The following SDK1 variants were observed in gnomAD, a reference collection of about 807,000 sequenced individuals.
SDK1 encodes protein sidekick-1.
Under a neutral mutation model 245.5 loss-of-function variants are expected in SDK1, and 157 were observed. That is an observed-to-expected ratio of 0.64 (90% CI 0.56 to 0.73). SDK1 has a LOEUF of 0.73. Among genes scored for constraint, SDK1 ranks in the 30% least tolerant of loss-of-function variants. SDK1 has a pLI of 0.00. For missense variants in SDK1, 3,583 were observed against 3,002.3 expected, an observed-to-expected ratio of 1.19 and a Z score of -4.52; for synonymous variants, 1,647 against 1,278.5, an observed-to-expected ratio of 1.29 and a Z score of -6.15.
At chr7:3,579,438 C>G (rs1195104818) in intron 1 of SDK1, among the ~76,000 whole-genome samples, 1 of 152,178 alleles carries the variant, frequency 6.6e-6, no homozygotes, top group Non-Finnish European at 1.5e-5. Flanking sequence ...ATGATTATCT[C>G]AATAGGTGCA....
chr7:3,763,524 C>T (rs1277018926), intron 4 of SDK1, among the ~76,000 whole-genome samples: 1 of 152,180 alleles, frequency 6.6e-6, no homozygotes, highest in East Asian at 1.9e-4. Flanking sequence ...AAGCTGCAGG[C>T]ATCAGTACAC....
chr7:3,830,611 C>G (rs1779890136), intron 5 of SDK1, among the ~76,000 whole-genome samples: 1 of 152,040 alleles, frequency 6.6e-6, no homozygotes, highest in Non-Finnish European at 1.5e-5. Context: ...TCCTCCCACC[C>G]CAGCCTCCTG....
At chr7:4,162,372 A>C (rs12701449) in intron 32 of SDK1, among the ~76,000 whole-genome samples, 1 of 61,930 alleles carries the variant, frequency 1.6e-5, no homozygotes, top group Admixed American at 1.6e-4. Context: ...TGTTGTTGTT[A>C]TTATTATTAT....
At chr7:4,213,248 C>G (rs1167899121) in intron 38 of SDK1, among the ~76,000 whole-genome samples, 3 of 152,082 alleles carry the variant, frequency 2.0e-5, no homozygotes, top group Admixed American at 6.5e-5. Context: ...CCCATCTCTA[C>G]TAAAAATACA....
At chr7:3,506,429 GTTA>G (rs1468468007) in intron 1 of SDK1, among the ~76,000 whole-genome samples, 7 of 151,846 alleles carry the variant, frequency 4.6e-5, no homozygotes, top group African/African-American at 1.5e-4. Flanking sequence ...AATTTTCTTT[GTTA>G]TTATTCTCTT....
At chr7:3,585,936 G>C (rs1198259363) in intron 1 of SDK1, among the ~76,000 whole-genome samples, 1 of 152,220 alleles carries the variant, frequency 6.6e-6, no homozygotes, top group Non-Finnish European at 1.5e-5. Flanking sequence ...TGTTGCTAAA[G>C]GAGACACAGT....
chr7:3,851,085 A>G (rs945342653), intron 5 of SDK1, among the ~76,000 whole-genome samples: 1 of 152,226 alleles, frequency 6.6e-6, no homozygotes, highest in Non-Finnish European at 1.5e-5. Context: ...GCAACTAAAT[A>G]AACCCCGTGC....
chr7:3,483,907 T>G (rs1229023915), intron 1 of SDK1, among the ~76,000 whole-genome samples: 1 of 152,218 alleles, frequency 6.6e-6, no homozygotes, highest in Non-Finnish European at 1.5e-5. Flanking sequence ...TGTCTAACAT[T>G]TTAAAATTTA....
chr7:3,853,912 T>G (rs1227834026), intron 5 of SDK1, among the ~76,000 whole-genome samples: 2 of 151,960 alleles, frequency 1.3e-5, no homozygotes, highest in African/African-American at 4.8e-5. Flanking sequence ...TTGCTTGAAC[T>G]CGAGAGGCAA....
intron 20 of SDK1, among the ~76,000 whole-genome samples, chr7:4,069,821 C>T (rs1562762202): frequency 6.6e-6 from 1 of 152,232 alleles, no homozygotes; most frequent in Admixed American, 6.5e-5. Flanking sequence ...TTCTCAGCAA[C>T]CACACAAGGG....
At chr7:3,579,527 A>G (rs77473857) in intron 1 of SDK1, among the ~76,000 whole-genome samples, 1 of 152,092 alleles carries the variant, frequency 6.6e-6, no homozygotes, top group Non-Finnish European at 1.5e-5. Flanking sequence ...AAAACCTCAA[A>G]ATAATAAGAG....
rs1188744541 is a variant in SDK1 at position 3,915,957 on chromosome 7, C to G, written c.848-34966C>G. Among the ~76,000 whole-genome samples, 4 of 152,150 alleles carry G rather than the reference C, an allele frequency of 2.6e-5. No homozygotes were observed. The South Asian group carries it at 8.3e-4, about 32-fold the overall frequency. ...AGATGTTAATCTCTGAAAAGTCTAT[C>G]CTTTTACTTCCCTAAACCAAAAAGT... On this transcript the variant is annotated intron_variant, in intron 5 of 44. Transcript: ENST00000404826.
intron 4 of SDK1, among the ~76,000 whole-genome samples, chr7:3,759,838 C>T (rs981375807): frequency 1.3e-5 from 2 of 152,230 alleles, no homozygotes; most frequent in African/African-American, 4.8e-5. Flanking sequence ...GGTGATCCAC[C>T]CACCTGGGCC....
At chr7:3,741,060 G>GT (rs1283017879) in intron 4 of SDK1, among the ~76,000 whole-genome samples, 20 of 152,280 alleles carry the variant, frequency 1.3e-4, no homozygotes, top group African/African-American at 4.3e-4. Context: ...ATGGAATGTG[G>GT]TGTCTGTGGA....
chr7:3,552,773 T>G (rs1228922731), intron 1 of SDK1, among the ~76,000 whole-genome samples: 4 of 152,222 alleles, frequency 2.6e-5, no homozygotes, highest in South Asian at 2.1e-4. Flanking sequence ...AATCATTACC[T>G]TCTCAGAACA....
rs1046313601 is a variant in SDK1 at position 3,865,262 on chromosome 7, C to T, written c.847+43679C>T. On this transcript the variant is annotated intron_variant, in intron 5 of 44. Coordinates refer to ENST00000404826, the MANE Select transcript of SDK1 (RefSeq NM_152744.4). The stretch of plus-strand genomic sequence containing the variant: ...AGGGAGTGTGGGAGGCCTGGTGATC[C>T]TCCTGAAGAAGTGAGAATGGGTTGG... 2.6e-5 allele frequency among the ~76,000 whole-genome samples: 4 copies of T among 152,118 alleles called. No homozygotes were observed. The South Asian group carries it at 8.3e-4, about 32-fold the overall frequency.
chr7:4,154,547 G>A (rs676044), intron 30 of SDK1, among the ~76,000 whole-genome samples: 2 of 151,948 alleles, frequency 1.3e-5, no homozygotes, highest in Non-Finnish European at 2.9e-5. Flanking sequence ...GCTCCGGGGT[G>A]GGGGAGCCAG....
intron 22 of SDK1, 108 bp from the exon 23 acceptor site, chr7:4,110,555 C>A: frequency 2.6e-6 from 2 of 766,760 alleles, no homozygotes; most frequent in East Asian, 2.6e-5. Context: ...GTGGGGACGC[C>A]TTGCAGCCCT....
At chr7:3,901,890 CGTTACTCATTTAGGT>C (rs1781802947) in intron 5 of SDK1, among the ~76,000 whole-genome samples, 1 of 152,116 alleles carries the variant, frequency 6.6e-6, no homozygotes, top group African/African-American at 2.4e-5. Context: ...TATAATATCC[CGTTACTCATTTAGGT>C]GTTAACATTG....
Sources: allele counts gnomAD v4.1 joint callset (sites outside exome capture counted in the v4.1 genomes callset), GRCh38; gene constraint gnomAD v4.1.1; transcripts MANE v1.5; gene names NCBI Gene and HGNC (gene_info 2026-07-23, HGNC 2026-07-21).